ASIC2: variants seen among roughly 807,000 people sequenced by gnomAD.
The protein encoded by ASIC2 is acid sensing ion channel subunit 2, also known as acid-sensing ion channel 2.
In ASIC2, 25 loss-of-function variants were observed where a neutral mutation model predicts 57.3. The observed-to-expected ratio is 0.44, with a 90% CI of 0.32 to 0.61. The LOEUF (loss-of-function observed/expected upper bound fraction) is 0.61, where lower values mean the gene tolerates loss of function less well. Ranked by LOEUF, ASIC2 falls within the 20% of genes least tolerant of loss-of-function variation. The pLI is 0.06. For synonymous variants in ASIC2, 319 were observed against 307.5 expected, an observed-to-expected ratio of 1.04 and a Z score of -0.39; for missense variants, 641 against 738.1, an observed-to-expected ratio of 0.87 and a Z score of 1.52.
intron 3 of ASIC2, among the ~76,000 whole-genome samples, chr17:33,045,720 T>C (rs1458933956): frequency 1.3e-5 from 2 of 152,244 alleles, no homozygotes; most frequent in African/African-American, 2.4e-5. Context: ...CTGACTCCTC[T>C]GTAAGCTGGA....
chr17:33,073,448 T>C (rs1447618068), intron 3 of ASIC2, among the ~76,000 whole-genome samples: 1 of 152,118 alleles, frequency 6.6e-6, no homozygotes, highest in Non-Finnish European at 1.5e-5. Flanking sequence ...GGGGTTTGAA[T>C]TGTATCTCTC....
chr17:33,485,904 C>T (rs1913560463), intron 1 of ASIC2, among the ~76,000 whole-genome samples: 1 of 152,228 alleles, frequency 6.6e-6, no homozygotes, highest in Admixed American at 6.5e-5. Flanking sequence ...TGAGCCTTCC[C>T]AGTTCATGCT....
chr17:33,234,071 C>T (rs1161207645), intron 1 of ASIC2, among the ~76,000 whole-genome samples: 1 of 152,116 alleles, frequency 6.6e-6, no homozygotes, highest in East Asian at 1.9e-4. Context: ...GCCACCCTGT[C>T]TTCTTCTCTA....
intron 7 of ASIC2, among the ~76,000 whole-genome samples, chr17:33,018,072 G>A (rs1458233877): frequency 6.6e-6 from 1 of 152,200 alleles, no homozygotes; most frequent in Non-Finnish European, 1.5e-5. Context: ...CTGGGTGGGA[G>A]TCTCGGGAGG....
chr17:33,985,440 T>G (rs181997423), intron 1 of ASIC2, among the ~76,000 whole-genome samples: 19 of 152,252 alleles, frequency 1.2e-4, no homozygotes, highest in Admixed American at 1.0e-3. Context: ...TCTAACAAGC[T>G]CTCAAGAAAT....
In ASIC2 at chr17:33,352,765, C is replaced by A. The variant is rs539575008; in HGVS notation, c.556-240698G>T. On this transcript the variant is annotated intron_variant, in intron 1 of 9. Coordinates refer to the ASIC2 transcript ENST00000359872. ...CATGCACCTCAACACTCAGCAGGTC[C>A]TCACGTTCACCTGCTGCCTCTCAGG... Among the ~76,000 whole-genome samples, 38 of 152,322 alleles carry A rather than the reference C, an allele frequency of 2.5e-4. 1 individual carries two copies. Among genetic ancestry groups the A allele is most frequent in the African/African-American group, 9.1e-4 (38 of 41,582 alleles).
intron 1 of ASIC2, among the ~76,000 whole-genome samples, chr17:33,477,149 A>G (rs561483050): frequency 6.6e-6 from 1 of 152,334 alleles, no homozygotes; most frequent in East Asian, 1.9e-4. Flanking sequence ...TTATTGAAGG[A>G]CATTTAAACT....
At chr17:33,066,828 T>G (rs1363718170) in intron 3 of ASIC2, among the ~76,000 whole-genome samples, 1 of 152,158 alleles carries the variant, frequency 6.6e-6, no homozygotes, top group African/African-American at 2.4e-5. Context: ...AGGTCCTCTG[T>G]TGGACTCTGG....
At chr17:33,241,200 T>C (rs1053713877) in intron 1 of ASIC2, among the ~76,000 whole-genome samples, 3 of 152,208 alleles carry the variant, frequency 2.0e-5, no homozygotes, top group African/African-American at 7.2e-5. Flanking sequence ...TGCCACCCTG[T>C]TTTATGAATG....
chr17:33,319,003 G>A (rs919872217), intron 1 of ASIC2, among the ~76,000 whole-genome samples: 3 of 152,172 alleles, frequency 2.0e-5, no homozygotes, highest in African/African-American at 2.4e-5. Context: ...CTATGCTCAC[G>A]CCTGTAATCC....
chr17:33,992,201 T>C (rs1597965445), intron 1 of ASIC2, among the ~76,000 whole-genome samples: 2 of 152,338 alleles, frequency 1.3e-5, no homozygotes, highest in South Asian at 4.1e-4. Flanking sequence ...GTATTGCTGA[T>C]CTAACGCTGC....
At chr17:33,871,073 T>C (rs1426114331) in intron 1 of ASIC2, among the ~76,000 whole-genome samples, 1 of 152,130 alleles carries the variant, frequency 6.6e-6, no homozygotes, top group Non-Finnish European at 1.5e-5. Flanking sequence ...GATGCCATGA[T>C]CAAGCACAGA....
intron 1 of ASIC2, among the ~76,000 whole-genome samples, chr17:33,230,373 G>A (rs987509934): frequency 1.8e-4 from 27 of 152,354 alleles, no homozygotes; most frequent in Admixed American, 6.5e-5. Flanking sequence ...CAGGTAATGA[G>A]CTATCCAGGA....
chr17:33,468,510 G>C (rs1309454704), intron 1 of ASIC2, among the ~76,000 whole-genome samples: 2 of 152,008 alleles, frequency 1.3e-5, no homozygotes, highest in African/African-American at 4.8e-5. Flanking sequence ...TTTAATAAAA[G>C]AAAAATTATA....
intron 1 of ASIC2, among the ~76,000 whole-genome samples, chr17:33,170,142 C>A (rs1305189800): frequency 6.6e-6 from 1 of 152,152 alleles, no homozygotes; most frequent in African/African-American, 2.4e-5. Context: ...CCAAGCCATC[C>A]TTTTGGTAAA....
At position 33,021,265 on chromosome 17, in the gene ASIC2, A is replaced by G. The variant is rs1378364076; in HGVS notation, c.1395T>C (p.Tyr465=). ...VLDIFFEALN[Y]ETIEQKKAYE... ...ACGCCTTCTTCTGTTCAATTGTCTCATAATTGAGAGCTTCAAAAAATATAT... is the reference window on the plus strand; with the variant it reads ...ACGCCTTCTTCTGTTCAATTGTCTCGTAATTGAGAGCTTCAAAAAATATAT... The change falls in exon 7 of 10, where the codon TAT becomes TAC. Residue 465 remains tyrosine, a synonymous_variant. Transcript: ENST00000225823. 1 of 1,612,862 alleles carries G rather than the reference A, an allele frequency of 6.2e-7. No individual in the cohort carries two copies. Among genetic ancestry groups the G allele is most frequent in the East Asian group, 2.2e-5 (1 of 44,854 alleles).
intron 1 of ASIC2, among the ~76,000 whole-genome samples, chr17:33,320,515 G>A (rs968707998): frequency 2.0e-5 from 3 of 152,226 alleles, no homozygotes; most frequent in African/African-American, 7.2e-5. Context: ...GCCAGTTGGA[G>A]ACAGAGCTGG....
intron 7 of ASIC2, among the ~76,000 whole-genome samples, chr17:33,019,474 C>T (rs766720407): frequency 4.3e-4 from 65 of 151,658 alleles, no homozygotes; most frequent in Admixed American, 2.0e-3. Context: ...CCTGGACCAC[C>T]GTGGGTGCAT....
At chr17:33,569,754 A>G (rs1916369300) in intron 1 of ASIC2, among the ~76,000 whole-genome samples, 1 of 152,142 alleles carries the variant, frequency 6.6e-6, no homozygotes, top group South Asian at 2.1e-4. Flanking sequence ...CCATCCATCC[A>G]TACATGTATC....
Sources: allele counts gnomAD v4.1 joint callset (sites outside exome capture counted in the v4.1 genomes callset), GRCh38; gene constraint gnomAD v4.1.1; transcripts MANE v1.5; gene names NCBI Gene and HGNC (gene_info 2026-07-23, HGNC 2026-07-21).